NDFIP1: variants seen among roughly 807,000 people sequenced by gnomAD.
NDFIP1 encodes Nedd4 family interacting protein 1, also known as NEDD4 family-interacting protein 1.
In NDFIP1, 7 loss-of-function variants were observed where a neutral mutation model predicts 28.8. That is an observed-to-expected ratio of 0.24 (90% CI 0.14 to 0.46). The LOEUF (loss-of-function observed/expected upper bound fraction) is 0.46, where lower values mean the gene tolerates loss of function less well. Among genes scored for constraint, NDFIP1 ranks in the 20% least tolerant of loss-of-function variants. The pLI is 0.99. For missense variants in NDFIP1, 194 were observed against 269.1 expected (o/e 0.72, Z 1.95); for synonymous variants, 92 against 101.0 (o/e 0.91, Z 0.53).
intron 1 of NDFIP1, among the ~76,000 whole-genome samples, chr5:142,111,015 C>G (rs1757009239): frequency 6.6e-6 from 1 of 151,980 alleles, no homozygotes; most frequent in African/African-American, 2.4e-5. Context: ...CACAGGCTCA[C>G]AGTCCAGATA....
intron 6 of NDFIP1, 46 bp downstream of exon 6, chr5:142,140,675 A>G (rs190435071): frequency 1.4e-6 from 2 of 1,467,032 alleles, no homozygotes; most frequent in Non-Finnish European, 1.9e-6. Flanking sequence ...ATTACATTAA[A>G]TTTTATAAGT....
At chr5:142,113,718 C>T (rs1259398899) in intron 1 of NDFIP1, among the ~76,000 whole-genome samples, 2 of 152,130 alleles carry the variant, frequency 1.3e-5, no homozygotes, top group Non-Finnish European at 2.9e-5. Context: ...CTCTCCATTC[C>T]CCCTCCTCCA....
At chr5:142,110,022 C>T (rs1251747756) in intron 1 of NDFIP1, among the ~76,000 whole-genome samples, 1 of 152,134 alleles carries the variant, frequency 6.6e-6, no homozygotes, top group East Asian at 1.9e-4. Context: ...ATAAAATGTC[C>T]TATCTTAGAC....
intron 1 of NDFIP1, among the ~76,000 whole-genome samples, chr5:142,117,900 A>G (rs1757086169): frequency 6.6e-6 from 1 of 151,892 alleles, no homozygotes; most frequent in South Asian, 2.1e-4. Context: ...TACTTTTTGG[A>G]ACTTTTTTCC....
rs1464382140 is a variant in NDFIP1, at chr5:142,152,907, T to C, written c.*1179T>C. On this transcript the variant is annotated 3_prime_UTR_variant, in exon 8 of 8. Transcript: ENST00000253814. ...AATGTTGGGTCAATTTTTTTCTTCA[T>C]TTTCAGCACAAGAAGTCCTCTTATA... 2 of 170,726 alleles carry C rather than the reference T, an allele frequency of 1.2e-5. No individual in the cohort carries two copies. Among genetic ancestry groups the C allele is most frequent in the Non-Finnish European group, 2.5e-5 (2 of 78,918 alleles). 10.6% of individuals were successfully genotyped at this position (170,726 alleles called of 1,614,324 possible). A position where few individuals can be genotyped will look rare whatever the true frequency, so the allele number is the denominator to read the frequency against.
At chr5:142,112,396 C>T (rs114283271) in intron 1 of NDFIP1, among the ~76,000 whole-genome samples, 2,701 of 148,908 alleles carry the variant, frequency 0.018, 41 homozygotes, top group Non-Finnish European at 0.026. Context: ...AAAAAAAGCA[C>T]GGTGTGGTGG....
chr5:142,135,852 A>G, intron 4 of NDFIP1, 35 bp downstream of exon 4: 5 of 1,457,754 alleles, frequency 3.4e-6, no homozygotes, highest in Non-Finnish European at 4.8e-6. Context: ...CACCCCCTAC[A>G]AACTAGAGTG....
rs561632584 is a variant in NDFIP1 at position 142,151,273 on chromosome 5, G to T, written c.*3-458G>T. Among the ~76,000 whole-genome samples, 9 of 152,252 alleles carry T rather than the reference G, an allele frequency of 5.9e-5. No homozygotes were observed. In the South Asian group the frequency reaches 1.9e-3, roughly 32 times the overall value. On this transcript the variant is annotated intron_variant, in intron 7 of 7. Transcript: ENST00000253814. ...GCTCGGTTGAGGTATAGCATGACATGGTTGGCATCCTTACTGGAAAGCTTC... is the reference window on the plus strand; with the variant it reads ...GCTCGGTTGAGGTATAGCATGACATTGTTGGCATCCTTACTGGAAAGCTTC...
intron 1 of NDFIP1, among the ~76,000 whole-genome samples, chr5:142,121,074 C>T (rs1757117835): frequency 6.6e-6 from 1 of 152,228 alleles, no homozygotes. Context: ...CTGTCACTGT[C>T]TTTCAGTGTC....
intron 1 of NDFIP1, among the ~76,000 whole-genome samples, chr5:142,120,622 A>G (rs1167178249): frequency 6.6e-6 from 1 of 152,228 alleles, no homozygotes; most frequent in Non-Finnish European, 1.5e-5. Flanking sequence ...TTAATTGGAC[A>G]TTATACAGTA....
At chr5:142,125,144 C>T (rs1329630578) in intron 1 of NDFIP1, among the ~76,000 whole-genome samples, 1 of 152,064 alleles carries the variant, frequency 6.6e-6, no homozygotes, top group African/African-American at 2.4e-5. Flanking sequence ...AAGGTTCATC[C>T]ATATTTCAGC....
At chr5:142,134,925 C>T (rs79505571) in intron 3 of NDFIP1, among the ~76,000 whole-genome samples, 5 of 151,994 alleles carry the variant, frequency 3.3e-5, no homozygotes, top group South Asian at 4.2e-4. Flanking sequence ...CATGTATGAT[C>T]GTACTATTCT....
chr5:142,131,826 T>A lies in NDFIP1; in HGVS notation c.82T>A (p.Ser28Thr). 6.3e-7 allele frequency: 1 copy of A among 1,591,170 alleles called. No homozygotes were observed. Among genetic ancestry groups the A allele is most frequent in the South Asian group, 1.2e-5 (1 of 86,602 alleles). The change falls in exon 2 of 8, where the codon TCT (serine) becomes ACT (threonine). Residue 28 changes from serine (S) to threonine (T), a missense_variant. Coordinates refer to ENST00000253814, the MANE Select transcript of NDFIP1 (RefSeq NM_030571.4). ...TATTTAGTTGCAGAATGAAGAAGAGTCTGGAGAACCTGAACAGGCTGCAGG... is the reference window on the plus strand; with the variant it reads ...TATTTAGTTGCAGAATGAAGAAGAGACTGGAGAACCTGAACAGGCTGCAGG... Reference protein sequence around the residue: ...RYQQLQNEEESGEPEQAAGDA... With the variant: ...RYQQLQNEEETGEPEQAAGDA...
chr5:142,142,726 G>A (rs565129715), intron 6 of NDFIP1, among the ~76,000 whole-genome samples: 4 of 151,592 alleles, frequency 2.6e-5, no homozygotes, highest in African/African-American at 4.8e-5. Flanking sequence ...TCAGGAGTTC[G>A]AGACCAGCAT....
intron 1 of NDFIP1, among the ~76,000 whole-genome samples, chr5:142,112,058 C>T (rs564671296): frequency 9.8e-4 from 145 of 147,802 alleles, no homozygotes; most frequent in African/African-American, 3.2e-3. Context: ...CAGAGTGGGA[C>T]TGTCTCAAAA....
chr5:142,137,323 G>A (rs368458125), intron 4 of NDFIP1, among the ~76,000 whole-genome samples: 17 of 151,948 alleles, frequency 1.1e-4, no homozygotes, highest in Non-Finnish European at 2.9e-5. Context: ...CACTGTGCCC[G>A]GCTTTTGTTT....
chr5:142,145,928 G>A (rs922433264), intron 7 of NDFIP1, among the ~76,000 whole-genome samples: 4 of 152,126 alleles, frequency 2.6e-5, no homozygotes, highest in Admixed American at 2.6e-4. Flanking sequence ...GAAGACTTGT[G>A]GTGGTCTCAG....
intron 1 of NDFIP1, among the ~76,000 whole-genome samples, chr5:142,109,244 CT>C (rs1448454412): frequency 6.6e-6 from 1 of 152,182 alleles, no homozygotes; most frequent in African/African-American, 2.4e-5. Context: ...CCAGGTGGGA[CT>C]CCGGCGGTGG....
At chr5:142,149,904 A>G (rs2569196) in intron 7 of NDFIP1, among the ~76,000 whole-genome samples, 142,641 of 152,284 alleles carry the variant, frequency 0.94, 66,873 homozygotes, top group East Asian at 1. Flanking sequence ...AAACTGGGCC[A>G]GGCATGGTGG....
Sources: gnomAD v4.1 joint callset for allele counts (sites outside exome capture counted in the v4.1 genomes callset) on GRCh38, gnomAD v4.1.1 for gene constraint, MANE v1.5 for transcripts, NCBI Gene and HGNC (gene_info 2026-07-23, HGNC 2026-07-21) for gene names.